Variants in DNAL1 observed in about 807,000 individuals in gnomAD.
DNAL1 encodes dynein axonemal light chain 1.
A neutral mutation model predicts 29.4 loss-of-function variants in DNAL1; 17 were observed. The ratio of observed to expected loss-of-function variants is 0.58; its 90% confidence interval spans 0.40 to 0.87. The LOEUF (loss-of-function observed/expected upper bound fraction) is 0.87, where lower values mean the gene tolerates loss of function less well. DNAL1 is among the 40% of genes least tolerant of loss of function. The pLI is 0.00. For synonymous variants in DNAL1, 78 were observed against 76.3 expected (o/e 1.02, Z -0.12); for missense variants, 188 against 214.1 (o/e 0.88, Z 0.76).
chr14:73,676,183 G>A (rs570308222), intron 5 of DNAL1, among the ~76,000 whole-genome samples: 79 of 150,940 alleles, frequency 5.2e-4, no homozygotes, highest in African/African-American at 1.6e-3. Flanking sequence ...GCAGTGAGTC[G>A]AGATCACGCC....
chr14:73,677,268 C>T (rs1207795385), intron 5 of DNAL1, among the ~76,000 whole-genome samples: 3 of 151,976 alleles, frequency 2.0e-5, no homozygotes, highest in Non-Finnish European at 4.4e-5. Flanking sequence ...CCGCGCCCAG[C>T]CAGTAGTATT....
intron 5 of DNAL1, among the ~76,000 whole-genome samples, chr14:73,679,777 T>C (rs1463515065): frequency 3.7e-5 from 5 of 133,594 alleles, no homozygotes; most frequent in African/African-American, 8.9e-5. Flanking sequence ...AGGTACTAGA[T>C]TGTAAAAATA....
intron 3 of DNAL1, among the ~76,000 whole-genome samples, chr14:73,661,175 T>A (rs1039442810): frequency 1.3e-5 from 2 of 151,154 alleles, no homozygotes; most frequent in African/African-American, 2.4e-5. Flanking sequence ...AAAAAAAATA[T>A]ATATATTGTT....
At chr14:73,657,855 G>A (rs1202498083) in intron 2 of DNAL1, among the ~76,000 whole-genome samples, 3 of 152,148 alleles carry the variant, frequency 2.0e-5, no homozygotes, top group Admixed American at 1.3e-4. Flanking sequence ...TCGGCCTCCC[G>A]AAGTGCTGGG....
chr14:73,667,879 C>G (rs1031880018), intron 4 of DNAL1, among the ~76,000 whole-genome samples: 1 of 152,166 alleles, frequency 6.6e-6, no homozygotes, highest in Admixed American at 6.6e-5. Context: ...CTTGACTCCT[C>G]TCTCTCACAT....
At chr14:73,672,607 CAA>C (rs35746041) in intron 5 of DNAL1, among the ~76,000 whole-genome samples, 1,394 of 75,314 alleles carry the variant, frequency 0.019, 22 homozygotes, top group African/African-American at 0.067. Flanking sequence ...GACTCTGTCT[CAA>C]AAAAAAAAAA....
chr14:73,670,400 C>A (rs1891591700), intron 4 of DNAL1, among the ~76,000 whole-genome samples: 1 of 151,986 alleles, frequency 6.6e-6, no homozygotes, highest in Non-Finnish European at 1.5e-5. Flanking sequence ...CCATATTAGA[C>A]AAAGAAGTTA....
At chr14:73,690,353 G>C (rs946556182) in intron 7 of DNAL1, among the ~76,000 whole-genome samples, 4 of 151,996 alleles carry the variant, frequency 2.6e-5, no homozygotes, top group African/African-American at 9.7e-5. Flanking sequence ...CATGCAAGCA[G>C]TAAGAGAGAA....
At chr14:73,681,699 A>T (rs1396986863) in intron 5 of DNAL1, among the ~76,000 whole-genome samples, 1 of 145,590 alleles carries the variant, frequency 6.9e-6, no homozygotes, top group Non-Finnish European at 1.5e-5. Context: ...GGTATCAGGA[A>T]ACTGAGGATT....
At chr14:73,645,554 T>G (rs1302756638) in intron 1 of DNAL1, among the ~76,000 whole-genome samples, 1 of 152,178 alleles carries the variant, frequency 6.6e-6, no homozygotes, top group Admixed American at 6.5e-5. Context: ...CTGATGGATA[T>G]ATTAGAGCAG....
At position 73,696,077 on chromosome 14, in the gene DNAL1, C is replaced by CT. The variant is rs142835284; in HGVS notation, c.*144dup. On this transcript the variant is annotated 3_prime_UTR_variant, in exon 8 of 8. Transcript: ENST00000553645. Reference sequence around the variant, plus strand: ...GATAAAACAGATCACTCATTCTCATCTTTTTTTTTCCTTTAACTTATTCAG... The same window carrying CT: ...GATAAAACAGATCACTCATTCTCATCTTTTTTTTTTCCTTTAACTTATTCAG... The CT allele has an allele frequency of 0.013, 10,321 of 788,432 alleles. 418 individuals carry two copies. The highest frequency in any genetic ancestry group is 0.13 in the African/African-American group (7,149 of 54,980). 48.8% of individuals were successfully genotyped at this position (788,432 alleles called of 1,614,324 possible). A position where few individuals can be genotyped will look rare whatever the true frequency, so the allele number is the denominator to read the frequency against.
chr14:73,661,709 C>T (rs762098269), intron 3 of DNAL1, among the ~76,000 whole-genome samples: 2 of 152,210 alleles, frequency 1.3e-5, no homozygotes, highest in Non-Finnish European at 2.9e-5. Context: ...GGTGCCACTG[C>T]ACTCCAGCTT....
chr14:73,677,591 C>CT (rs1891767195), intron 5 of DNAL1, among the ~76,000 whole-genome samples: 1 of 150,216 alleles, frequency 6.7e-6, no homozygotes, highest in Admixed American at 6.6e-5. Flanking sequence ...GAGTCTGGCT[C>CT]TGTCGCCCAG....
In DNAL1 at chr14:73,702,657, T is replaced by C. The variant is rs184549384; in HGVS notation, c.*6715T>C. The C allele has an allele frequency of 2.8e-4, 43 of 152,236 alleles. 1 individual carries two copies. Among genetic ancestry groups the C allele is most frequent in the African/African-American group, 1.0e-3 (43 of 41,554 alleles). 9.4% of individuals were successfully genotyped at this position (152,236 alleles called of 1,614,324 possible). A position where few individuals can be genotyped will look rare whatever the true frequency, so the allele number is the denominator to read the frequency against. On this transcript the variant is annotated 3_prime_UTR_variant, in exon 8 of 8. Coordinates refer to ENST00000553645, the MANE Select transcript of DNAL1 (RefSeq NM_031427.4). ...TAAAAGTTAGCTGATAGGCCCTGAA[T>C]TGAGAAAAAGGAATCACCAAGCAAT...
Position 73,697,793 on chromosome 14 carries a change from A to C in DNAL1, c.*1851A>C, listed in dbSNP as rs566091247. The C allele has an allele frequency of 1.3e-5, 2 of 149,458 alleles. No homozygotes were observed. The highest frequency in any genetic ancestry group is 4.2e-4 in the South Asian group (2 of 4,750). 9.3% of individuals were successfully genotyped at this position (149,458 alleles called of 1,614,324 possible). A position where few individuals can be genotyped will look rare whatever the true frequency, so the allele number is the denominator to read the frequency against. On this transcript the variant is annotated 3_prime_UTR_variant, in exon 8 of 8. Coordinates refer to ENST00000553645, the MANE Select transcript of DNAL1 (RefSeq NM_031427.4). ...GGAAAACTTGGTCTAACACCCTTTT[A>C]GTTTTCTTTTCTCTCTTCTTTTCAA...
intron 1 of DNAL1, 137 bp downstream of exon 1, chr14:73,645,179 A>C: frequency 1.3e-6 from 2 of 1,482,528 alleles, no homozygotes; most frequent in Non-Finnish European, 1.8e-6. Flanking sequence ...CTGTGGAGTC[A>C]GGGGCCCGAG....
intron 3 of DNAL1, among the ~76,000 whole-genome samples, chr14:73,659,352 T>G (rs190010170): frequency 3.3e-5 from 5 of 151,136 alleles, no homozygotes; most frequent in Non-Finnish European, 7.4e-5. Context: ...TTAGTAGAGA[T>G]AGGGTTTCAC....
chr14:73,669,380 G>T (rs1403126801), intron 4 of DNAL1, among the ~76,000 whole-genome samples: 2 of 151,654 alleles, frequency 1.3e-5, no homozygotes, highest in African/African-American at 4.8e-5. Flanking sequence ...GGGTTCAAGC[G>T]ATTCTCCTGC....
chr14:73,668,750 C>T (rs1193780767), intron 4 of DNAL1, among the ~76,000 whole-genome samples: 2 of 152,126 alleles, frequency 1.3e-5, no homozygotes, highest in Non-Finnish European at 2.9e-5. Context: ...GATCTTGGCT[C>T]ACTGCAACCT....
Sources: gnomAD v4.1 joint callset for allele counts (sites outside exome capture counted in the v4.1 genomes callset) on GRCh38, gnomAD v4.1.1 for gene constraint, MANE v1.5 for transcripts, NCBI Gene and HGNC (gene_info 2026-07-23, HGNC 2026-07-21) for gene names.